The following GGCX variants were observed in gnomAD, a reference collection of about 807,000 sequenced individuals.
GGCX encodes the protein gamma-glutamyl carboxylase, also known as vitamin K-dependent gamma-carboxylase.
A neutral mutation model predicts 88.5 loss-of-function variants in GGCX; 63 were observed. The observed-to-expected ratio is 0.71, with a 90% CI of 0.58 to 0.88. The LOEUF is 0.88. Ranked by LOEUF, GGCX falls within the 40% of genes least tolerant of loss-of-function variation. GGCX has a pLI of 0.00. For synonymous variants in GGCX, 368 were observed against 365.8 expected, an observed-to-expected ratio of 1.01 and a Z score of -0.07; for missense variants, 805 against 932.9, an observed-to-expected ratio of 0.86 and a Z score of 1.79.
chr2:85,548,243 G>A lies in GGCX; in HGVS notation c.*1691C>T, dbSNP rs1224479125. On this transcript the variant is annotated 3_prime_UTR_variant, in exon 15 of 15. Coordinates refer to ENST00000233838, the MANE Select transcript of GGCX (RefSeq NM_000821.7). ...GGTATCCAGGAGGTAAAATTGATGG[G>A]ACTTGGCAATTTTAAGAAATGCAAG... is the stretch of plus-strand genomic sequence containing the variant. 2 of 152,126 alleles carry A rather than the reference G, an allele frequency of 1.3e-5. No homozygotes were observed. Among genetic ancestry groups the A allele is most frequent in the Non-Finnish European group, 2.9e-5 (2 of 68,040 alleles). The allele number at this position is 152,126 out of a possible 1,614,324, so 9.4% of individuals were successfully genotyped here.
intron 3 of GGCX, 151 bp downstream of exon 3, chr2:85,558,766 G>T: frequency 1.2e-6 from 1 of 868,386 alleles, no homozygotes; most frequent in African/African-American, 1.7e-5. Flanking sequence ...AAGAATTATG[G>T]GATCACAGCT....
At chr2:85,557,041 G>C (rs1489916728) in intron 4 of GGCX, among the ~76,000 whole-genome samples, 1 of 152,182 alleles carries the variant, frequency 6.6e-6, no homozygotes, top group Non-Finnish European at 1.5e-5. Context: ...TAAAGCGAGA[G>C]AATCTCTGGA....
At position 85,553,494 on chromosome 2, in the gene GGCX, A is replaced by G; in HGVS notation, c.893T>C (p.Met298Thr). 3 of 1,613,594 alleles carry G rather than the reference A, an allele frequency of 1.9e-6. No homozygotes were observed. Among genetic ancestry groups the G allele is most frequent in the Non-Finnish European group, 2.5e-6 (3 of 1,179,996 alleles). The change falls in exon 8 of 15, where the codon ATG (methionine) becomes ACG (threonine). Residue 298 changes from methionine (M) to threonine (T), a missense_variant. By Grantham distance (81) the Met-to-Thr change is moderately conservative. Around this residue, in one of 3 missense-constraint regions of GGCX, gnomAD observed 680 missense variants for 763.7 expected, o/e 0.89. Transcript: ENST00000233838. The stretch of plus-strand genomic sequence containing the variant: ...GCTGGCCAGCATGACGTAGGAGAAC[A>G]TACCTAGGAAAGCAGGGAGAAAATA... ...CMNSQLFSIG[M>T]FSYVMLASSP...
chr2:85,554,757 C>T (rs917718746), intron 6 of GGCX: 3 of 262,496 alleles, frequency 1.1e-5, no homozygotes, highest in African/African-American at 4.4e-5. Context: ...CATGAGCCAC[C>T]ATGCCCAGCC....
intron 5 of GGCX, among the ~76,000 whole-genome samples, 185 bp downstream of exon 5, chr2:85,555,997 A>G (rs1230177074): frequency 6.6e-6 from 1 of 151,756 alleles, no homozygotes; most frequent in Admixed American, 6.6e-5. Flanking sequence ...TTTCCTTGAC[A>G]AATAAGATAA....
chr2:85,549,849 A>T lies in GGCX; in HGVS notation c.*85T>A. 108 of 571,080 alleles carry T rather than the reference A, an allele frequency of 1.9e-4. No individual in the cohort carries two copies. The highest frequency in any genetic ancestry group is 3.0e-4 in the Non-Finnish European group (94 of 316,088). The allele number at this position is 571,080 out of a possible 1,614,324, so 35.4% of individuals were successfully genotyped here. A position where few individuals can be genotyped will look rare whatever the true frequency, so the allele number is the denominator to read the frequency against. On this transcript the variant is annotated 3_prime_UTR_variant, in exon 15 of 15. Coordinates refer to ENST00000233838, the MANE Select transcript of GGCX (RefSeq NM_000821.7). Reference sequence around the variant, plus strand: ...CCCAAAAAAAAAAAAAAAACTTTTGAGAATTTTTTTCAAATAAATGTCCAT... The same window carrying T: ...CCCAAAAAAAAAAAAAAAACTTTTGTGAATTTTTTTCAAATAAATGTCCAT...
chr2:85,554,162 A>G lies in GGCX; in HGVS notation c.870T>C (p.Asn290=). 6.2e-7 allele frequency: 1 copy of G among 1,613,094 alleles called. No individual in the cohort carries two copies. Among genetic ancestry groups the G allele is most frequent in the Admixed American group, 1.7e-5 (1 of 60,012 alleles). Reference sequence around the variant, plus strand: ...ACTGACCAATGCTGAAAAGCTGGGAATTCATGCAGTGGAAGTAGGACACAA... The same window carrying G: ...ACTGACCAATGCTGAAAAGCTGGGAGTTCATGCAGTGGAAGTAGGACACAA... The part of the protein sequence containing the change: ...LFFVSYFHCM[N]SQLFSIGMFS... Residue 290 remains asparagine, a synonymous_variant, in exon 7 of 15, where the codon AAT becomes AAC. Transcript: ENST00000233838.
At chr2:85,561,298 G>T in intron 1 of GGCX, 88 bp downstream of exon 1, 2 of 546,188 alleles carry the variant, frequency 3.7e-6, no homozygotes, top group Non-Finnish European at 3.2e-6. Flanking sequence ...CCGCCTCACC[G>T]GGAGACACTG....
At position 85,554,242 on chromosome 2, in the gene GGCX, G is replaced by A. The variant is rs750566705; in HGVS notation, c.790C>T (p.Leu264Phe). 1.4e-5 allele frequency: 22 copies of A among 1,613,530 alleles called. No homozygotes were observed. The Admixed American group carries it at 3.7e-4, about 27-fold the overall frequency. ...VVHWGGLLLD[L>F]SAGFLLFFDV... The stretch of plus-strand genomic sequence containing the variant: ...AAAAAGAGCAGGAAACCAGCTGAGA[G>A]GTCAAGCAGCAGCCCACCCCAGTGC... Residue 264 changes from leucine to phenylalanine, a missense_variant, in exon 7 of 15, where the codon CTC (leucine) becomes TTC (phenylalanine). By Grantham distance (22) the Leu-to-Phe change is conservative. Around this residue, in one of 3 missense-constraint regions of GGCX, gnomAD observed 680 missense variants for 763.7 expected, o/e 0.89. Transcript: ENST00000233838.
At chr2:85,558,363 GA>G in intron 4 of GGCX, 76 bp downstream of exon 4, 1 of 1,232,702 alleles carries the variant, frequency 8.1e-7, no homozygotes. Context: ...AAAAATTCCA[GA>G]ACCTCACTGG....
Position 85,552,487 on chromosome 2 carries a change from G to C in GGCX, c.1368C>G (p.Pro456=). ...QYATCLSRLL[P]KYNVTEPQIY... is the part of the protein sequence containing the mutation. Reference sequence around the variant, plus strand: ...TCTGGGGCTCAGTGACATTATACTTGGGAAGCAGGCGGCTCAGGCAAGTGG... The same window carrying C: ...TCTGGGGCTCAGTGACATTATACTTCGGAAGCAGGCGGCTCAGGCAAGTGG... The change falls in exon 10 of 15, where the codon CCC becomes CCG. Residue 456 remains proline (P), a synonymous_variant. Transcript: ENST00000233838. 6.2e-7 allele frequency: 1 copy of C among 1,613,632 alleles called. No individual in the cohort carries two copies.
In GGCX at chr2:85,548,555, C is replaced by T. The variant is rs1038797926; in HGVS notation, c.*1379G>A. The stretch of plus-strand genomic sequence containing the variant: ...TGCTTAGGAAAGAACCCCCGGAACA[C>T]TGTCCAAGGAGGAGTGGGGGAGAGT... On this transcript the variant is annotated 3_prime_UTR_variant, in exon 15 of 15. Transcript: ENST00000233838. 3 of 152,304 alleles carry T rather than the reference C, an allele frequency of 2.0e-5. No individual in the cohort carries two copies. In the East Asian group the frequency reaches 5.8e-4, roughly 29 times the overall value. The allele number at this position is 152,304 out of a possible 1,614,324, so 9.4% of individuals were successfully genotyped here.
intron 4 of GGCX, 141 bp downstream of exon 4, chr2:85,558,299 C>CGAA: frequency 1.3e-6 from 1 of 769,238 alleles, no homozygotes. Flanking sequence ...CTTTCCCCTC[C>CGAA]CAAATCCACC....
intron 10 of GGCX, 66 bp from the exon 11 acceptor site, chr2:85,552,047 TC>T: frequency 8.6e-7 from 1 of 1,157,492 alleles, no homozygotes; most frequent in South Asian, 1.2e-5. Flanking sequence ...TCCAGTTCTC[TC>T]CCTTTCATCA....
At chr2:85,560,041 A>G (rs1056518851) in intron 2 of GGCX, among the ~76,000 whole-genome samples, 1 of 152,196 alleles carries the variant, frequency 6.6e-6, no homozygotes, top group Non-Finnish European at 1.5e-5. Flanking sequence ...GTCTCTAAAC[A>G]TTGCCAAATG....
chr2:85,558,872 T>G (rs1692316039), intron 3 of GGCX, 45 bp downstream of exon 3: 1 of 1,562,062 alleles, frequency 6.4e-7, no homozygotes, highest in Non-Finnish European at 8.8e-7. Flanking sequence ...CTTCTATTTC[T>G]GTGTTTCTGG....
Position 85,549,636 on chromosome 2 carries a change from C to A in GGCX, c.*298G>T, listed in dbSNP as rs1573316866. 1 of 377,736 alleles carries A rather than the reference C, an allele frequency of 2.6e-6. No individual in the cohort carries two copies. Among genetic ancestry groups the A allele is most frequent in the East Asian group, 6.5e-5 (1 of 15,402 alleles). 23.4% of individuals were successfully genotyped at this position (377,736 alleles called of 1,614,324 possible). A position where few individuals can be genotyped will look rare whatever the true frequency, so the allele number is the denominator to read the frequency against. ...TCAGCCTCCCAAAATGCTGGGATTA[C>A]AGGCGTGAGCCACGGCACCCAGCCC... On this transcript the variant is annotated 3_prime_UTR_variant, in exon 15 of 15. Coordinates refer to ENST00000233838, the MANE Select transcript of GGCX (RefSeq NM_000821.7).
At chr2:85,552,840 C>T in intron 9 of GGCX, 99 bp downstream of exon 9, 1 of 1,356,090 alleles carries the variant, frequency 7.4e-7, no homozygotes, top group South Asian at 1.2e-5. Flanking sequence ...AAAGCAGACT[C>T]AAATTTGTTT....
At position 85,560,889 on chromosome 2, in the gene GGCX, C is replaced by T. The variant is rs776627692; in HGVS notation, c.140G>A (p.Ser47Asn). The change falls in exon 2 of 15, where the codon AGT becomes AAT. Residue 47 changes from serine (S) to asparagine (N), a missense_variant. Around this residue, in one of 3 missense-constraint regions of GGCX, gnomAD observed 64 missense variants for 57.4 expected, o/e 1.12. Transcript: ENST00000233838. ...CAGCAGGGTCACCAGCCTCCGCCAA[C>T]TGGACAAATCTGTCCACTCAAAACC... ...LLGFEWTDLS[S>N]WRRLVTLLNR... The T allele has an allele frequency of 6.2e-7, 1 of 1,613,532 alleles. No individual in the cohort carries two copies. Among genetic ancestry groups the T allele is most frequent in the Non-Finnish European group, 8.5e-7 (1 of 1,179,542 alleles).
Sources: gnomAD v4.1 joint callset for allele counts (sites outside exome capture counted in the v4.1 genomes callset) on GRCh38, gnomAD v4.1.1 for gene constraint, gnomAD v4.1.1 regional missense constraint, MANE v1.5 for transcripts, NCBI Gene and HGNC (gene_info 2026-07-23, HGNC 2026-07-21) for gene names.